The following CALN1 variants were observed in gnomAD, a reference collection of about 807,000 sequenced individuals.
CALN1 encodes calcium-binding protein 8.
CALN1 carries 17 observed loss-of-function variants against 30.6 expected under a neutral mutation model. The ratio of observed to expected loss-of-function variants is 0.56; its 90% CI spans 0.38 to 0.83. CALN1 has a LOEUF of 0.83. CALN1 is among the 40% of genes least tolerant of loss of function. The probability of loss-of-function intolerance (pLI) is 0.00; values close to 1 mark genes in which losing one functional copy is unlikely to be tolerated. For synonymous variants in CALN1, 156 were observed against 131.4 expected (o/e 1.19, Z -1.28); for missense variants, 291 against 354.9 (o/e 0.82, Z 1.45).
chr7:72,254,052 T>C (rs1471549573), intron 3 of CALN1, among the ~76,000 whole-genome samples: 1 of 152,016 alleles, frequency 6.6e-6, no homozygotes, highest in East Asian at 1.9e-4. Flanking sequence ...CATATCCCCA[T>C]TTTACCAGAA....
At chr7:72,293,103 C>T (rs1034708966) in intron 2 of CALN1, among the ~76,000 whole-genome samples, 3 of 152,096 alleles carry the variant, frequency 2.0e-5, no homozygotes, top group African/African-American at 7.2e-5. Flanking sequence ...TTCGTCAGAG[C>T]TTAGCCAGGA....
chr7:72,411,867 A>G (rs1035170162), intron 1 of CALN1, among the ~76,000 whole-genome samples, 191 bp downstream of exon 1: 3 of 152,248 alleles, frequency 2.0e-5, no homozygotes, highest in African/African-American at 7.2e-5. Flanking sequence ...CAGGATAACC[A>G]AATAGTTGAT....
At chr7:72,337,319 G>A (rs1311303758) in intron 2 of CALN1, 13 of 982,746 alleles carry the variant, frequency 1.3e-5, no homozygotes, top group Middle Eastern at 5.2e-4. Flanking sequence ...TCCGAGGGTC[G>A]GGGAGCCCCC....
intron 1 of CALN1, 78 bp from the exon 2 acceptor site, chr7:72,403,520 T>C (rs894161197): frequency 7.1e-6 from 4 of 559,952 alleles, no homozygotes; most frequent in African/African-American, 1.9e-5. Context: ...GCCTAAATAA[T>C]TCACACCCTC....
the CALN1 span, among the ~76,000 whole-genome samples, chr7:72,471,238 T>C: frequency 6.6e-6 from 1 of 152,284 alleles, no homozygotes; most frequent in East Asian, 1.9e-4. Flanking sequence ...TAGGGTTTCC[T>C]AACTAGCCCC....
At chr7:72,369,950 G>T (rs1804124089) in intron 2 of CALN1, among the ~76,000 whole-genome samples, 1 of 152,130 alleles carries the variant, frequency 6.6e-6, no homozygotes, top group South Asian at 2.1e-4. Flanking sequence ...GTCTTTCTAT[G>T]AATATATGCT....
At chr7:72,283,597 C>G (rs1435088530) in intron 2 of CALN1, among the ~76,000 whole-genome samples, 1 of 152,136 alleles carries the variant, frequency 6.6e-6, no homozygotes, top group Non-Finnish European at 1.5e-5. Flanking sequence ...GTGAGTAACA[C>G]CAGTAATTAT....
At chr7:71,991,045 G>A (rs1377816914) in intron 5 of CALN1, among the ~76,000 whole-genome samples, 1 of 145,188 alleles carries the variant, frequency 6.9e-6, no homozygotes, top group Non-Finnish European at 1.5e-5. Context: ...GTATGAAACA[G>A]TGAGGGGGGG....
chr7:72,208,204 T>C (rs1293036209), intron 3 of CALN1, among the ~76,000 whole-genome samples: 1 of 152,220 alleles, frequency 6.6e-6, no homozygotes, highest in Non-Finnish European at 1.5e-5. Flanking sequence ...CATAGATGGG[T>C]AGCTGCAAAT....
intron 5 of CALN1, among the ~76,000 whole-genome samples, chr7:71,877,874 C>A (rs1256524581): frequency 5.9e-5 from 9 of 152,242 alleles, no homozygotes; most frequent in Admixed American, 2.0e-4. Context: ...GATTTTATGA[C>A]AGTCAATATA....
chr7:72,302,596 A>G (rs930036064), intron 2 of CALN1, among the ~76,000 whole-genome samples: 5 of 152,034 alleles, frequency 3.3e-5, no homozygotes, highest in Non-Finnish European at 7.4e-5. Flanking sequence ...CCATCTCTAC[A>G]AAAAATACGA....
intron 2 of CALN1, among the ~76,000 whole-genome samples, chr7:72,338,048 G>A (rs926673939): frequency 5.3e-5 from 8 of 152,158 alleles, no homozygotes; most frequent in African/African-American, 1.7e-4. Flanking sequence ...AAGAACTGAC[G>A]GAATACACAG....
At chr7:71,949,895 G>A (rs2129523877) in intron 5 of CALN1, among the ~76,000 whole-genome samples, 1 of 152,112 alleles carries the variant, frequency 6.6e-6, no homozygotes, top group Admixed American at 6.5e-5. Context: ...CCGAGTAGCT[G>A]GGACTACAGG....
intron 5 of CALN1, among the ~76,000 whole-genome samples, chr7:71,856,492 T>C (rs544359861): frequency 6.6e-6 from 1 of 152,254 alleles, no homozygotes; most frequent in South Asian, 2.1e-4. Context: ...AAAGATGTTT[T>C]TAGAATTTAA....
chr7:72,117,095 T>C (rs1199982459), intron 3 of CALN1, among the ~76,000 whole-genome samples: 1 of 152,038 alleles, frequency 6.6e-6, no homozygotes, highest in Non-Finnish European at 1.5e-5. Context: ...GGAGGATCAT[T>C]TGAGACCAGG....
At chr7:72,368,808 C>A (rs1049927404) in intron 2 of CALN1, among the ~76,000 whole-genome samples, 3 of 145,224 alleles carry the variant, frequency 2.1e-5, no homozygotes, top group South Asian at 2.2e-4. Context: ...GGTTTGAAAC[C>A]CTTTTTTTTT....
chr7:72,309,910 G>A (rs866440735), intron 2 of CALN1, among the ~76,000 whole-genome samples: 4 of 152,138 alleles, frequency 2.6e-5, no homozygotes, highest in Non-Finnish European at 4.4e-5. Context: ...AGGGCCAGGG[G>A]CAAGCCTGGA....
intron 3 of CALN1, among the ~76,000 whole-genome samples, chr7:72,118,785 C>T (rs1003444355): frequency 3.9e-5 from 6 of 152,152 alleles, no homozygotes; most frequent in Non-Finnish European, 5.9e-5. Flanking sequence ...GGGAAGATGT[C>T]AAGTCAGAAG....
intron 3 of CALN1, among the ~76,000 whole-genome samples, chr7:72,273,935 C>A (rs1797172379): frequency 6.6e-6 from 1 of 151,984 alleles, no homozygotes; most frequent in Admixed American, 6.6e-5. Context: ...AAAAAAGTTT[C>A]ATGCAAAAGA....
Sources: allele counts gnomAD v4.1 joint callset (sites outside exome capture counted in the v4.1 genomes callset), GRCh38; gene constraint gnomAD v4.1.1; transcripts MANE v1.5; gene names NCBI Gene and HGNC (gene_info 2026-07-23, HGNC 2026-07-21).